The following BRINP2 variants were observed in gnomAD, a reference collection of about 807,000 sequenced individuals.
The protein encoded by BRINP2 is BMP/retinoic acid-inducible neural-specific protein 2.
A neutral mutation model predicts 69.2 loss-of-function variants in BRINP2; 21 were observed. That is an observed-to-expected ratio of 0.30 (90% CI 0.22 to 0.44). BRINP2 has a LOEUF of 0.44. Ranked by LOEUF, BRINP2 falls within the 20% of genes least tolerant of loss-of-function variation. The pLI is 1.00. For synonymous variants in BRINP2, 380 were observed against 394.1 expected (o/e 0.96, Z 0.42); for missense variants, 877 against 986.0 (o/e 0.89, Z 1.48).
At chr1:177,264,660 A>T (rs1651064047) in intron 4 of BRINP2, among the ~76,000 whole-genome samples, 2 of 152,316 alleles carry the variant, frequency 1.3e-5, no homozygotes, top group South Asian at 4.1e-4. Flanking sequence ...CCTATACACC[A>T]ATAATAGACA....
intron 2 of BRINP2, among the ~76,000 whole-genome samples, chr1:177,233,407 A>T (rs1364475645): frequency 2.0e-5 from 3 of 152,252 alleles, no homozygotes; most frequent in Non-Finnish European, 4.4e-5. Flanking sequence ...GGTGAAAATT[A>T]AAGGAAGTAT....
chr1:177,263,933 T>G (rs111529949), intron 4 of BRINP2, among the ~76,000 whole-genome samples: 97 of 152,346 alleles, frequency 6.4e-4, no homozygotes, highest in African/African-American at 2.2e-3. Context: ...AACTGCTAAA[T>G]GCAGCTGATA....
intron 1 of BRINP2, among the ~76,000 whole-genome samples, chr1:177,204,000 G>T (rs1466285564): frequency 2.0e-5 from 3 of 152,184 alleles, no homozygotes; most frequent in Non-Finnish European, 4.4e-5. Flanking sequence ...GCATAGGAGT[G>T]CCAATATCAG....
chr1:177,244,806 A>G (rs749474257), intron 2 of BRINP2, among the ~76,000 whole-genome samples: 21 of 152,194 alleles, frequency 1.4e-4, no homozygotes, highest in African/African-American at 5.1e-4. Context: ...TGGAGGAAGC[A>G]GTTCTCATAG....
chr1:177,257,601 G>C (rs945316422), intron 4 of BRINP2, among the ~76,000 whole-genome samples: 3 of 152,206 alleles, frequency 2.0e-5, no homozygotes, highest in African/African-American at 7.2e-5. Flanking sequence ...CTACAGCAGA[G>C]GCACGTCTGT....
chr1:177,234,126 T>C (rs1182816917), intron 2 of BRINP2, among the ~76,000 whole-genome samples: 2 of 152,198 alleles, frequency 1.3e-5, no homozygotes, highest in Non-Finnish European at 2.9e-5. Flanking sequence ...TCCAGTTCCA[T>C]GTGTGACTTC....
chr1:177,201,403 A>G (rs575084140), intron 1 of BRINP2, among the ~76,000 whole-genome samples: 2 of 152,186 alleles, frequency 1.3e-5, no homozygotes, highest in Admixed American at 1.3e-4. Context: ...GAGAAGGTAC[A>G]CTATTTCTTC....
intron 1 of BRINP2, among the ~76,000 whole-genome samples, chr1:177,216,463 A>G (rs1649379756): frequency 6.6e-6 from 1 of 152,102 alleles, no homozygotes; most frequent in South Asian, 2.1e-4. Context: ...AATTTATTTC[A>G]GTAACTGTTG....
intron 1 of BRINP2, among the ~76,000 whole-genome samples, chr1:177,229,388 C>T (rs1649794247): frequency 6.6e-6 from 1 of 152,186 alleles, no homozygotes; most frequent in African/African-American, 2.4e-5. Flanking sequence ...TCTGAGGCAA[C>T]TGCAGAAACA....
chr1:177,259,985 G>A lies in BRINP2; in HGVS notation c.669+2601G>A, dbSNP rs558977190. Among the ~76,000 whole-genome samples, 7 of 152,252 alleles carry A rather than the reference G, an allele frequency of 4.6e-5. No individual in the cohort carries two copies. The South Asian group carries it at 6.2e-4, about 14-fold the overall frequency. ...TGACTTCCAAGTCTTATTTAAAAAC[G>A]TTTTTATAAGGTAAAGGCTGCCATA... On this transcript the variant is annotated intron_variant, in intron 4 of 7. Transcript: ENST00000361539.
intron 2 of BRINP2, among the ~76,000 whole-genome samples, chr1:177,241,473 CT>C (rs1362243241): frequency 1.3e-5 from 2 of 152,190 alleles, no homozygotes; most frequent in African/African-American, 4.8e-5. Context: ...CTCGTTAGCG[CT>C]TTGTAACTTC....
chr1:177,225,323 A>G (rs1189558621), intron 1 of BRINP2, among the ~76,000 whole-genome samples: 1 of 152,252 alleles, frequency 6.6e-6, no homozygotes, highest in South Asian at 2.1e-4. Flanking sequence ...CGTTTTGTGC[A>G]AAGCTAATTT....
At chr1:177,266,487 C>T (rs922051418) in intron 4 of BRINP2, among the ~76,000 whole-genome samples, 11 of 151,970 alleles carry the variant, frequency 7.2e-5, no homozygotes, top group African/African-American at 2.2e-4. Context: ...TGGCTGGGCG[C>T]GGTGGCTCAC....
At chr1:177,241,673 A>G (rs1444356428) in intron 2 of BRINP2, among the ~76,000 whole-genome samples, 1 of 152,186 alleles carries the variant, frequency 6.6e-6, no homozygotes, top group African/African-American at 2.4e-5. Flanking sequence ...GCTTGCTCAC[A>G]TTTCAAAGTA....
chr1:177,259,695 T>C (rs1263204426), intron 4 of BRINP2, among the ~76,000 whole-genome samples: 1 of 152,234 alleles, frequency 6.6e-6, no homozygotes, highest in Non-Finnish European at 1.5e-5. Context: ...AGAATTATGC[T>C]GAATCTCCTC....
chr1:177,257,415 TG>T (rs1558180268), intron 4 of BRINP2, 31 bp downstream of exon 4: 1 of 1,564,976 alleles, frequency 6.4e-7, no homozygotes, highest in South Asian at 1.2e-5. Flanking sequence ...GGGAAGGGGA[TG>T]GGGGAAGCAC....
intron 1 of BRINP2, among the ~76,000 whole-genome samples, chr1:177,211,430 T>C (rs1486566316): frequency 6.6e-6 from 1 of 152,230 alleles, no homozygotes. Context: ...TTCAGGATTG[T>C]ACATTGCACG....
Position 177,278,756 on chromosome 1 carries a change from C to G in BRINP2, c.1206C>G (p.Arg402=). 6.2e-7 allele frequency: 1 copy of G among 1,614,170 alleles called. No individual in the cohort carries two copies. Among genetic ancestry groups the G allele is most frequent in the East Asian group, 2.2e-5 (1 of 44,870 alleles). The change falls in exon 7 of 8, where the codon CGC becomes CGG. Residue 402 remains arginine, a synonymous_variant. Transcript: ENST00000361539. ...RLFNLCKRCH[R]QPRFRLPKER... ...TCAACCTCTGCAAGCGCTGCCATCG[C>G]CAGCCTCGCTTCCGCCTGCCCAAGG...
chr1:177,199,435 G>C (rs1399506093), intron 1 of BRINP2, among the ~76,000 whole-genome samples: 1 of 152,178 alleles, frequency 6.6e-6, no homozygotes, highest in Non-Finnish European at 1.5e-5. Context: ...AAGGAGAATG[G>C]AGAGGCCACC....
Sources: allele counts gnomAD v4.1 joint callset (sites outside exome capture counted in the v4.1 genomes callset), GRCh38; gene constraint gnomAD v4.1.1; transcripts MANE v1.5; gene names NCBI Gene and HGNC (gene_info 2026-07-23, HGNC 2026-07-21).